The following PADI4 variants were observed in gnomAD, a reference collection of about 807,000 sequenced individuals.
PADI4 encodes the protein protein-arginine deiminase type-4.
PADI4 carries 62 observed loss-of-function variants against 75.0 expected under a neutral mutation model. The observed-to-expected ratio is 0.83, with a 90% CI of 0.67 to 1.02. PADI4 has a LOEUF of 1.02. PADI4 is among the 50% of genes least tolerant of loss of function. PADI4 has a pLI of 0.00. For synonymous variants in PADI4, 361 were observed against 348.1 expected, an observed-to-expected ratio of 1.04 and a Z score of -0.41; for missense variants, 845 against 850.5, an observed-to-expected ratio of 0.99 and a Z score of 0.08.
intron 10 of PADI4, among the ~76,000 whole-genome samples, chr1:17,353,000 C>T (rs1287658086): frequency 1.3e-5 from 2 of 152,118 alleles, no homozygotes; most frequent in African/African-American, 2.4e-5. Flanking sequence ...CAGGTGTGAC[C>T]GCCTGATTCA....
At chr1:17,331,901 G>A (rs2074220191) in intron 2 of PADI4, among the ~76,000 whole-genome samples, 1 of 152,168 alleles carries the variant, frequency 6.6e-6, no homozygotes, top group Non-Finnish European at 1.5e-5. Flanking sequence ...CTGGGTGAAA[G>A]AGCAAAACTC....
At chr1:17,314,637 G>A (rs2073901119) in intron 1 of PADI4, among the ~76,000 whole-genome samples, 1 of 152,194 alleles carries the variant, frequency 6.6e-6, no homozygotes, top group South Asian at 2.1e-4. Flanking sequence ...AGGAAGCTGA[G>A]GCCCAGGAGA....
At position 17,352,522 on chromosome 1, in the gene PADI4, T is replaced by C. The variant is rs114944467; in HGVS notation, c.1156-2011T>C. On this transcript the variant is annotated intron_variant, in intron 10 of 15. Coordinates refer to ENST00000375448, the MANE Select transcript of PADI4 (RefSeq NM_012387.3). Reference sequence around the variant, plus strand: ...GTGGGCAGGTGAGGGATGCTGGGAGTGCAGGCAGGGTGTGGCCAGAGGAGG... The same window carrying C: ...GTGGGCAGGTGAGGGATGCTGGGAGCGCAGGCAGGGTGTGGCCAGAGGAGG... Among the ~76,000 whole-genome samples the C allele has an allele frequency of 9.5e-3, 1,430 of 151,260 alleles. 23 individuals carry two copies. The highest frequency in any genetic ancestry group is 0.033 in the African/African-American group (1,355 of 41,110).
Position 17,338,136 on chromosome 1 carries a change from T to C in PADI4, c.507T>C (p.Asp169=), listed in dbSNP as rs1161351097. The part of the protein sequence containing the change: ...LESSAMDCED[D]EVLDSEDLQD... ...CTTCTGCCATGGACTGCGAGGATGA[T>C]GAAGTGCTTGACAGCGAAGGTAAAG... is the stretch of plus-strand genomic sequence containing the variant. Residue 169 remains aspartate (D), a synonymous_variant, in exon 5 of 16, where the codon GAT becomes GAC. Transcript: ENST00000375448. 6.2e-7 allele frequency: 1 copy of C among 1,609,932 alleles called. No homozygotes were observed. Among genetic ancestry groups the C allele is most frequent in the South Asian group, 1.1e-5 (1 of 91,006 alleles).
intron 9 of PADI4, 39 bp from the exon 10 acceptor site, chr1:17,347,902 C>A (rs1193272601): frequency 3.3e-6 from 4 of 1,220,572 alleles, no homozygotes; most frequent in South Asian, 1.5e-5. Context: ...AAGACCCAGG[C>A]AGCACGCGCA....
chr1:17,355,922 CT>C, intron 11 of PADI4, 60 bp from the exon 12 acceptor site: 1 of 1,597,870 alleles, frequency 6.3e-7, no homozygotes, highest in Non-Finnish European at 8.6e-7. Flanking sequence ...GCCCCTTGTC[CT>C]TCAGGGACTT....
At chr1:17,347,595 C>T (rs557231901) in intron 9 of PADI4, among the ~76,000 whole-genome samples, 25 of 152,194 alleles carry the variant, frequency 1.6e-4, no homozygotes, top group Admixed American at 1.6e-3. Flanking sequence ...AACCCCTCAC[C>T]CCCCATCACC....
chr1:17,346,764 C>T lies in PADI4; in HGVS notation c.1047+625C>T, dbSNP rs6683037. On this transcript the variant is annotated intron_variant, in intron 9 of 15. Transcript: ENST00000375448. The surrounding 1 kb of genome is among the most constrained non-coding windows in gnomAD (Gnocchi z 4.3). ...GGGACCCTGTCCTTCCATGCCGCACCCCTGCGGTGCTGTCTCTTGGACCCA... is the reference window on the plus strand; with the variant it reads ...GGGACCCTGTCCTTCCATGCCGCACTCCTGCGGTGCTGTCTCTTGGACCCA... Among the ~76,000 whole-genome samples the T allele has an allele frequency of 0.45, 68,482 of 151,652 alleles. 15,950 individuals are homozygous for T. Among genetic ancestry groups the T allele is most frequent in the East Asian group, 0.64 (3,253 of 5,116 alleles).
chr1:17,358,575 A>T lies in PADI4; in HGVS notation c.1559-263A>T, dbSNP rs1299419290. On this transcript the variant is annotated intron_variant, in intron 13 of 15. Coordinates refer to ENST00000375448, the MANE Select transcript of PADI4 (RefSeq NM_012387.3). The stretch of plus-strand genomic sequence containing the variant: ...AGCGAGACTCCGTCTCAAAAAAAAA[A>T]AAAAATAATAATAAAAATAAAAATA... Among the ~76,000 whole-genome samples, 57 of 125,346 alleles carry T rather than the reference A, an allele frequency of 4.5e-4. 26 individuals carry two copies. The highest frequency in any genetic ancestry group is 1.4e-3 in the African/African-American group (44 of 31,460). 82.2% of individuals were successfully genotyped at this position (125,346 alleles called of 152,430 possible).
intron 1 of PADI4, among the ~76,000 whole-genome samples, chr1:17,327,274 G>T (rs72916831): frequency 6.6e-6 from 1 of 152,052 alleles, no homozygotes; most frequent in Non-Finnish European, 1.5e-5. Context: ...AAGTTAAACC[G>T]TATATCATTA....
intron 1 of PADI4, among the ~76,000 whole-genome samples, chr1:17,310,257 A>C (rs936245317): frequency 6.6e-6 from 1 of 152,040 alleles, no homozygotes; most frequent in Admixed American, 6.6e-5. Flanking sequence ...AAGTTAAGTA[A>C]CCCACCTCAA....
intron 2 of PADI4, among the ~76,000 whole-genome samples, chr1:17,332,332 C>T (rs981537812): frequency 1.4e-4 from 21 of 152,170 alleles, no homozygotes; most frequent in African/African-American, 3.6e-4. Context: ...CTGCAACCTC[C>T]GCCTCCTGGG....
intron 1 of PADI4, among the ~76,000 whole-genome samples, chr1:17,313,179 G>A (rs900869052): frequency 1.3e-5 from 2 of 151,456 alleles, no homozygotes; most frequent in Non-Finnish European, 2.9e-5. Flanking sequence ...GACAGAGCGA[G>A]ACTCTGCCTC....
At position 17,350,693 on chromosome 1, in the gene PADI4, T is replaced by C. The variant is rs2074601972; in HGVS notation, c.1155+2645T>C. On this transcript the variant is annotated intron_variant, in intron 10 of 15. Transcript: ENST00000375448. The stretch of plus-strand genomic sequence containing the variant: ...CCTCTCACAACAACAGCCAGGGCAG[T>C]GATGTGGCTGAATTTACATTCATTC... Among the ~76,000 whole-genome samples the C allele has an allele frequency of 1.5e-5, 2 of 130,402 alleles. 1 individual carries two copies. The highest frequency in any genetic ancestry group is 3.5e-5 in the Non-Finnish European group (2 of 57,506). The allele number at this position is 130,402 out of a possible 152,430, so 85.5% of individuals were successfully genotyped here.
rs567984766 is a variant in PADI4 at position 17,315,277 on chromosome 1, G to A, written c.92+6963G>A. 2.6e-5 allele frequency among the ~76,000 whole-genome samples: 4 copies of A among 152,306 alleles called. No individual in the cohort carries two copies. In the East Asian group the frequency reaches 5.8e-4, roughly 22 times the overall value. On this transcript the variant is annotated intron_variant, in intron 1 of 15. Coordinates refer to ENST00000375448, the MANE Select transcript of PADI4 (RefSeq NM_012387.3). ...TGATTGATTGATTGATTGAATGAAC[G>A]AATGAAGGAATGAGTGTGTGTTTTA...
At chr1:17,344,302 G>A (rs922676115) in intron 8 of PADI4, among the ~76,000 whole-genome samples, 1 of 152,196 alleles carries the variant, frequency 6.6e-6, no homozygotes, top group Non-Finnish European at 1.5e-5. Context: ...CTTGGGTGCT[G>A]TTAAAGGCAT....
chr1:17,334,012 A>T lies in PADI4; in HGVS notation c.340+3A>T. On this transcript the variant is annotated splice_donor_region_variant and intron_variant, in intron 3 of 15. Transcript: ENST00000375448. ...TCTACTCTACCTCACCGGGGTGGGT[A>T]AGTGACAACCAGGATCCTAGAGTGC... The T allele has an allele frequency of 1.3e-6, 2 of 1,597,172 alleles. No homozygotes were observed. Among genetic ancestry groups the T allele is most frequent in the Non-Finnish European group, 1.7e-6 (2 of 1,164,432 alleles).
chr1:17,351,450 A>T (rs541718642), intron 10 of PADI4, among the ~76,000 whole-genome samples: 68 of 151,590 alleles, frequency 4.5e-4, no homozygotes, highest in African/African-American at 1.5e-3. Flanking sequence ...AATTAAAAAT[A>T]AAAATAAAAA....
chr1:17,359,005 T>G, intron 14 of PADI4, 97 bp downstream of exon 14: 5 of 821,464 alleles, frequency 6.1e-6, no homozygotes, highest in Non-Finnish European at 9.9e-6. Context: ...GCTCAGGGTC[T>G]CAGGATGCGC....
Sources: allele counts gnomAD v4.1 joint callset (sites outside exome capture counted in the v4.1 genomes callset), GRCh38; gene constraint gnomAD v4.1.1; non-coding constraint Gnocchi (gnomAD v3.1); transcripts MANE v1.5; gene names NCBI Gene and HGNC (gene_info 2026-07-23, HGNC 2026-07-21).